Variants in SGMS1 observed in about 807,000 individuals in gnomAD.
SGMS1 encodes the protein sphingomyelin synthase 1.
Under a neutral mutation model 46.2 loss-of-function variants are expected in SGMS1, and 13 were observed. The observed-to-expected ratio is 0.28, with a 90% CI of 0.18 to 0.45. SGMS1 has a LOEUF of 0.45. SGMS1 is among the 20% of genes least tolerant of loss of function. The pLI, the probability that SGMS1 is intolerant of heterozygous loss-of-function variation, is 1.00. For synonymous variants in SGMS1, 203 were observed against 187.8 expected (o/e 1.08, Z -0.66); for missense variants, 324 against 519.9 (o/e 0.62, Z 3.66).
intron 6 of SGMS1, among the ~76,000 whole-genome samples, chr10:50,405,349 C>T (rs1848997856): frequency 6.6e-6 from 1 of 152,062 alleles, no homozygotes; most frequent in African/African-American, 2.4e-5. Context: ...AAAAATACAG[C>T]AAAATAAGAG....
At chr10:50,488,599 T>C (rs1410748771) in intron 3 of SGMS1, among the ~76,000 whole-genome samples, 1 of 152,144 alleles carries the variant, frequency 6.6e-6, no homozygotes, top group Non-Finnish European at 1.5e-5. Context: ...ATTCCAGACT[T>C]TTCCCAAGTA....
At chr10:50,481,243 T>G (rs905945788) in intron 3 of SGMS1, among the ~76,000 whole-genome samples, 3 of 152,308 alleles carry the variant, frequency 2.0e-5, no homozygotes, top group African/African-American at 7.2e-5. Context: ...GTGAGACGCC[T>G]CAACAGGGGT....
At chr10:50,354,758 A>C (rs1327276700) in intron 6 of SGMS1, among the ~76,000 whole-genome samples, 1 of 152,212 alleles carries the variant, frequency 6.6e-6, no homozygotes, top group African/African-American at 2.4e-5. Flanking sequence ...AAAAACAAAC[A>C]ACCCCATCAA....
intron 2 of SGMS1, among the ~76,000 whole-genome samples, chr10:50,577,129 G>A (rs1329562111): frequency 1.3e-5 from 2 of 152,168 alleles, no homozygotes; most frequent in Admixed American, 1.3e-4. Flanking sequence ...GAAGACTCAG[G>A]CTGCTTCCGT....
chr10:50,477,796 G>T (rs1170872172), intron 3 of SGMS1, among the ~76,000 whole-genome samples: 1 of 152,100 alleles, frequency 6.6e-6, no homozygotes, highest in Non-Finnish European at 1.5e-5. Flanking sequence ...TCCCTTCCCA[G>T]CCATGTGAAG....
At chr10:50,393,630 A>G (rs113481111) in intron 6 of SGMS1, among the ~76,000 whole-genome samples, 96 of 152,306 alleles carry the variant, frequency 6.3e-4, no homozygotes, top group African/African-American at 2.2e-3. Context: ...AAAGGCACTG[A>G]TCTGTCACCC....
intron 2 of SGMS1, among the ~76,000 whole-genome samples, chr10:50,547,395 C>T (rs1028926736): frequency 5.3e-5 from 8 of 152,110 alleles, no homozygotes; most frequent in Admixed American, 3.9e-4. Context: ...AAACAACCAT[C>T]GGGGAATACT....
intron 7 of SGMS1, among the ~76,000 whole-genome samples, chr10:50,332,578 C>T (rs778005615): frequency 3.3e-5 from 5 of 149,642 alleles, no homozygotes; most frequent in Admixed American, 3.3e-4. Context: ...CTTTCTTCAA[C>T]TCCCTTCAAC....
Position 50,424,159 on chromosome 10 carries a change from C to A in SGMS1, c.-232+9317G>T, listed in dbSNP as rs187184423. Among the ~76,000 whole-genome samples, 91 of 152,274 alleles carry A rather than the reference C, an allele frequency of 6.0e-4. No homozygotes were observed. In the East Asian group the frequency reaches 9.4e-3, roughly 16 times the overall value. On this transcript the variant is annotated intron_variant, in intron 6 of 10. Transcript: ENST00000361781. ...CAAAGAGCAGCTAGATAGGGGTGGG[C>A]TCACAGATGAGAAGATTGAGAGCGA...
At chr10:50,575,068 G>A (rs991212129) in intron 2 of SGMS1, among the ~76,000 whole-genome samples, 39 of 148,824 alleles carry the variant, frequency 2.6e-4, no homozygotes, top group Admixed American at 1.2e-3. Context: ...TATGTTAAGT[G>A]AAATAAGTCA....
intron 2 of SGMS1, among the ~76,000 whole-genome samples, chr10:50,589,888 A>G (rs1838524173): frequency 6.6e-6 from 1 of 152,218 alleles, no homozygotes. Context: ...ACGTAGTTCT[A>G]AAAGGTCTTT....
At chr10:50,353,158 T>C (rs1198665374) in intron 6 of SGMS1, among the ~76,000 whole-genome samples, 1 of 152,228 alleles carries the variant, frequency 6.6e-6, no homozygotes, top group Non-Finnish European at 1.5e-5. Flanking sequence ...TAGACCAATG[T>C]CCCTGATGAA....
chr10:50,385,078 G>A (rs1361609640), intron 6 of SGMS1, among the ~76,000 whole-genome samples: 6 of 151,864 alleles, frequency 4.0e-5, no homozygotes, highest in Admixed American at 2.0e-4. Context: ...TTTTTTTACC[G>A]AATATCTCCA....
chr10:50,450,299 G>A lies in SGMS1; in HGVS notation c.-313+10374C>T, dbSNP rs150922767. Among the ~76,000 whole-genome samples, 78 of 152,278 alleles carry A rather than the reference G, an allele frequency of 5.1e-4. 1 individual carries two copies. The East Asian group carries it at 8.7e-3, about 17-fold the overall frequency. On this transcript the variant is annotated intron_variant, in intron 5 of 10. Transcript: ENST00000361781. Reference sequence around the variant, plus strand: ...GAAAGCAGATTAAGGATTACAAGTGGATGTTATTTATGTGCCCTTCACCCC... The same window carrying A: ...GAAAGCAGATTAAGGATTACAAGTGAATGTTATTTATGTGCCCTTCACCCC...
chr10:50,581,315 C>T (rs891723639), intron 2 of SGMS1, among the ~76,000 whole-genome samples: 3 of 152,222 alleles, frequency 2.0e-5, no homozygotes, highest in African/African-American at 7.2e-5. Context: ...ATGCTAAGAG[C>T]AGACTTGTGC....
intron 1 of SGMS1, among the ~76,000 whole-genome samples, chr10:50,622,674 G>T (rs1838864943): frequency 6.6e-6 from 1 of 152,256 alleles, no homozygotes; most frequent in African/African-American, 2.4e-5. Flanking sequence ...GTTTGAAGGT[G>T]AAAAGAAACA....
At chr10:50,549,816 A>G (rs1283759689) in intron 2 of SGMS1, among the ~76,000 whole-genome samples, 1 of 152,228 alleles carries the variant, frequency 6.6e-6, no homozygotes, top group East Asian at 1.9e-4. Context: ...TATGCAAAAG[A>G]AATGAAAAAT....
chr10:50,366,456 T>C (rs1214133508), intron 6 of SGMS1, among the ~76,000 whole-genome samples: 1 of 152,208 alleles, frequency 6.6e-6, no homozygotes, highest in Non-Finnish European at 1.5e-5. Context: ...ACTGGGCATA[T>C]ACCCAAAGGA....
intron 7 of SGMS1, among the ~76,000 whole-genome samples, chr10:50,329,947 T>C (rs1417785943): frequency 2.0e-5 from 3 of 152,252 alleles, no homozygotes; most frequent in Non-Finnish European, 4.4e-5. Context: ...AAGGAAAATG[T>C]ATCTGTTCAA....
Sources: allele counts gnomAD v4.1 joint callset (sites outside exome capture counted in the v4.1 genomes callset), GRCh38; gene constraint gnomAD v4.1.1; transcripts MANE v1.5; gene names NCBI Gene and HGNC (gene_info 2026-07-23, HGNC 2026-07-21).